Variants in CDC42BPA observed in about 807,000 individuals in gnomAD.
The protein encoded by CDC42BPA is serine/threonine-protein kinase MRCK alpha.
In CDC42BPA, 80 loss-of-function variants were observed where a neutral mutation model predicts 223.5. The observed-to-expected ratio is 0.36, with a 90% CI of 0.30 to 0.43. The LOEUF is 0.43. Ranked by LOEUF, CDC42BPA falls within the 20% of genes least tolerant of loss-of-function variation. CDC42BPA has a pLI of 1.00. For synonymous variants in CDC42BPA, 694 were observed against 718.6 expected (o/e 0.97, Z 0.55); for missense variants, 1,743 against 2,099.9 (o/e 0.83, Z 3.32).
At position 227,317,166 on chromosome 1, in the gene CDC42BPA, C is replaced by A; in HGVS notation, c.17G>T (p.Arg6Leu). Residue 6 changes from arginine to leucine, a missense_variant, in exon 1 of 37, where the codon CGT (arginine) becomes CTT (leucine). Arg to Leu is a moderately radical substitution (Grantham distance 102). This residue lies in a region of CDC42BPA where 321 missense variants were observed against 488.7 expected (regional missense o/e 0.66). Coordinates refer to ENST00000366766, the MANE Select transcript of CDC42BPA (RefSeq NM_001394014.1). The stretch of plus-strand genomic sequence containing the variant: ...AATAAACTGCTCCAACTGCCTCAAA[C>A]GCACTTCTCCAGACATGTTTGCTTC... MSGEV[R>L]LRQLEQFILD... 1 of 1,612,266 alleles carries A rather than the reference C, an allele frequency of 6.2e-7. No homozygotes were observed. Among genetic ancestry groups the A allele is most frequent in the South Asian group, 1.1e-5 (1 of 90,448 alleles).
At chr1:227,220,311 T>TATATATATATATATATAC (rs1210485137) in intron 2 of CDC42BPA, among the ~76,000 whole-genome samples, 9 of 49,522 alleles carry the variant, frequency 1.8e-4, no homozygotes, top group African/African-American at 5.0e-4. Context: ...TATATATATA[T>TATATATATATATATATAC]ACACACACAC....
intron 23 of CDC42BPA, among the ~76,000 whole-genome samples, chr1:227,041,421 TAAG>T (rs1394723221): frequency 6.6e-6 from 1 of 152,186 alleles, no homozygotes; most frequent in Non-Finnish European, 1.5e-5. Context: ...TTTAAACTAC[TAAG>T]AACTCTACTC....
intron 3 of CDC42BPA, among the ~76,000 whole-genome samples, chr1:227,208,340 G>A (rs1227016245): frequency 7.0e-6 from 1 of 141,930 alleles, no homozygotes; most frequent in Admixed American, 7.1e-5. Flanking sequence ...CTTTTGCTGT[G>A]CAGAAGCTCT....
intron 11 of CDC42BPA, among the ~76,000 whole-genome samples, chr1:227,121,926 G>A (rs1169041762): frequency 2.0e-5 from 3 of 150,446 alleles, no homozygotes; most frequent in Non-Finnish European, 2.9e-5. Context: ...TCAGCCTCCC[G>A]AGCAGCTGGG....
intron 1 of CDC42BPA, among the ~76,000 whole-genome samples, chr1:227,296,802 A>G (rs1690727614): frequency 6.6e-6 from 1 of 151,958 alleles, no homozygotes. Context: ...TCACACCAAA[A>G]GCACAAGAAA....
chr1:227,262,804 A>G (rs1684312727), intron 1 of CDC42BPA, among the ~76,000 whole-genome samples: 1 of 152,206 alleles, frequency 6.6e-6, no homozygotes. Flanking sequence ...CTATAAATAT[A>G]CTACACAGAT....
intron 21 of CDC42BPA, among the ~76,000 whole-genome samples, chr1:227,065,896 G>A (rs1017538886): frequency 6.6e-5 from 10 of 152,050 alleles, no homozygotes; most frequent in African/African-American, 2.4e-4. Context: ...CCTTCTATAC[G>A]TACAAGTTCC....
At chr1:227,156,564 T>C (rs1662855463) in intron 6 of CDC42BPA, among the ~76,000 whole-genome samples, 1 of 152,044 alleles carries the variant, frequency 6.6e-6, no homozygotes, top group African/African-American at 2.4e-5. Context: ...TCAATAAGTA[T>C]GCTAGAAACA....
At chr1:227,293,589 G>A (rs1015132013) in intron 1 of CDC42BPA, among the ~76,000 whole-genome samples, 4 of 151,196 alleles carry the variant, frequency 2.6e-5, no homozygotes, top group African/African-American at 9.7e-5. Flanking sequence ...CTTTGGGGAG[G>A]CCTAGGTGGA....
intron 3 of CDC42BPA, among the ~76,000 whole-genome samples, chr1:227,207,317 T>TG (rs1192220888): frequency 1.3e-5 from 2 of 151,098 alleles, no homozygotes; most frequent in East Asian, 3.9e-4. Flanking sequence ...ACACATTTTT[T>TG]TTTTCTTTTT....
chr1:227,161,924 C>G (rs1293478590), intron 5 of CDC42BPA, among the ~76,000 whole-genome samples: 1 of 152,168 alleles, frequency 6.6e-6, no homozygotes, highest in Non-Finnish European at 1.5e-5. Context: ...TAATCCTCAA[C>G]ATTTGACTGT....
At chr1:227,001,427 C>T (rs926073093) in intron 35 of CDC42BPA, among the ~76,000 whole-genome samples, 9 of 152,318 alleles carry the variant, frequency 5.9e-5, no homozygotes, top group Non-Finnish European at 8.8e-5. Context: ...TCCAGTCTGT[C>T]GTTTGCATGC....
At position 227,259,486 on chromosome 1, in the gene CDC42BPA, C is replaced by T. The variant is rs148857340; in HGVS notation, c.179-5331G>A. On this transcript the variant is annotated intron_variant, in intron 1 of 36. Coordinates refer to ENST00000366766, the MANE Select transcript of CDC42BPA (RefSeq NM_001394014.1). ...AGCTTCCTTATTCCCGGTGTTCTGGCGATTCCTGACATTTGATTGCATCCC... is the reference window on the plus strand; with the variant it reads ...AGCTTCCTTATTCCCGGTGTTCTGGTGATTCCTGACATTTGATTGCATCCC... 1.1e-3 allele frequency among the ~76,000 whole-genome samples: 171 copies of T among 151,078 alleles called. 9 individuals are homozygous for T. The highest frequency in any genetic ancestry group is 4.0e-3 in the African/African-American group (163 of 40,406).
intron 1 of CDC42BPA, among the ~76,000 whole-genome samples, chr1:227,282,207 G>C (rs1244194608): frequency 6.8e-6 from 1 of 147,736 alleles, no homozygotes; most frequent in African/African-American, 2.5e-5. Flanking sequence ...AAAAAAAAAA[G>C]GGAAAAGAAA....
chr1:227,187,041 G>A (rs1004084693), intron 5 of CDC42BPA, among the ~76,000 whole-genome samples: 1 of 152,140 alleles, frequency 6.6e-6, no homozygotes, highest in Non-Finnish European at 1.5e-5. Flanking sequence ...AAGGCAAATA[G>A]AATCTATGCT....
Position 227,317,063 on chromosome 1 carries a change from A to T in CDC42BPA, c.120T>A (p.Asp40Glu). Residue 40 changes from aspartate (D) to glutamate (E), a missense_variant, in exon 1 of 37, where the codon GAT becomes GAA. Asp to Glu is a conservative substitution (Grantham distance 45). Transcript: ENST00000366766. ...TTCTCAATGGAGAATTATTGCATTC[A>T]TCATAAAGGCAGATGAGTATATCCA... Reference protein sequence around the residue: ...TLLDILICLYDECNNSPLRRE... With the variant: ...TLLDILICLYEECNNSPLRRE... The T allele has an allele frequency of 6.2e-7, 1 of 1,613,942 alleles. No individual in the cohort carries two copies. Among genetic ancestry groups the T allele is most frequent in the Non-Finnish European group, 8.5e-7 (1 of 1,179,828 alleles).
chr1:227,160,618 A>T lies in CDC42BPA; in HGVS notation c.618T>A (p.Asn206Lys). The T allele has an allele frequency of 6.3e-7, 1 of 1,597,612 alleles. No homozygotes were observed. Among genetic ancestry groups the T allele is most frequent in the Non-Finnish European group, 8.6e-7 (1 of 1,167,092 alleles). ...HYVHRDIKPDNILMDMNGHIR... is the reference protein window; with the variant it reads ...HYVHRDIKPDKILMDMNGHIR... ...TATGTCCATTCATATCCATCAGTAT[A>T]TTGTCAGGTTTAATGTCTCTGAAAA... The change falls in exon 6 of 37, where the codon AAT becomes AAA. Residue 206 changes from asparagine to lysine, a missense_variant. Physicochemically the swap from Asn to Lys is moderately conservative, Grantham distance 94 (BLOSUM62 0). Coordinates refer to ENST00000366766, the MANE Select transcript of CDC42BPA (RefSeq NM_001394014.1).
intron 2 of CDC42BPA, among the ~76,000 whole-genome samples, chr1:227,224,943 T>C (rs1676587656): frequency 6.6e-6 from 1 of 152,208 alleles, no homozygotes; most frequent in Non-Finnish European, 1.5e-5. Context: ...TAGACACTGT[T>C]GTAGGTACTG....
intron 11 of CDC42BPA, among the ~76,000 whole-genome samples, chr1:227,120,230 A>C (rs927423811): frequency 2.0e-5 from 3 of 152,054 alleles, no homozygotes; most frequent in African/African-American, 7.2e-5. Context: ...AAAATTTAAA[A>C]CTAACAAGCA....
Sources: gnomAD v4.1 joint callset for allele counts (sites outside exome capture counted in the v4.1 genomes callset) on GRCh38, gnomAD v4.1.1 for gene constraint, gnomAD v4.1.1 regional missense constraint, MANE v1.5 for transcripts, NCBI Gene and HGNC (gene_info 2026-07-23, HGNC 2026-07-21) for gene names.